Variants in CDC14B observed in about 807,000 individuals in gnomAD.
CDC14B encodes the protein dual specificity protein phosphatase CDC14B.
Under a neutral mutation model 64.2 loss-of-function variants are expected in CDC14B, and 22 were observed. That is an observed-to-expected ratio of 0.34 (90% CI 0.24 to 0.49). CDC14B has a LOEUF of 0.49. Ranked by LOEUF, CDC14B falls within the 20% of genes least tolerant of loss-of-function variation. CDC14B has a pLI of 0.99. For synonymous variants in CDC14B, 191 were observed against 215.8 expected, an observed-to-expected ratio of 0.89 and a Z score of 1.01; for missense variants, 498 against 629.9, an observed-to-expected ratio of 0.79 and a Z score of 2.24.
At chr9:96,567,075 T>TC (rs1844108633) in intron 1 of CDC14B, 1 of 961,708 alleles carries the variant, frequency 1.0e-6, no homozygotes, top group Non-Finnish European at 1.4e-6. Flanking sequence ...CCGCTTTCTT[T>TC]CCCCCCGCCT....
At chr9:96,528,730 A>C (rs1258221432) in intron 9 of CDC14B, among the ~76,000 whole-genome samples, 2 of 152,128 alleles carry the variant, frequency 1.3e-5, no homozygotes, top group East Asian at 3.9e-4. Flanking sequence ...CAAGGCTTCT[A>C]ATTTTCTCCA....
At position 96,509,882 on chromosome 9, in the gene CDC14B, T is replaced by C. The variant is rs1359200668; in HGVS notation, c.1344-93A>G. ...AGTATTTTTGCACTTTAGTGCAAATTATCTTGAGAATTGAGAGGATTTTCC... is the reference window on the plus strand; with the variant it reads ...AGTATTTTTGCACTTTAGTGCAAATCATCTTGAGAATTGAGAGGATTTTCC... On this transcript the variant is annotated intron_variant, in intron 12 of 13. Coordinates refer to ENST00000375241, the MANE Select transcript of CDC14B (RefSeq NM_033331.4). 4.0e-6 allele frequency: 3 copies of C among 751,426 alleles called. No individual in the cohort carries two copies. The East Asian group carries it at 7.8e-5, about 19-fold the overall frequency. 46.5% of individuals were successfully genotyped at this position (751,426 alleles called of 1,614,324 possible).
intron 1 of CDC14B, 41 bp downstream of exon 1, chr9:96,619,178 C>T (rs1204454812): frequency 1.6e-6 from 2 of 1,221,920 alleles, no homozygotes. Flanking sequence ...GCGCCGGGTG[C>T]GGCCGTCCGG....
chr9:96,543,643 C>A (rs1056852513), intron 5 of CDC14B, among the ~76,000 whole-genome samples: 3 of 152,124 alleles, frequency 2.0e-5, no homozygotes, highest in African/African-American at 2.4e-5. Flanking sequence ...AAATAAGGCA[C>A]CCCGACCCCT....
At chr9:96,589,878 G>A (rs942772380) in intron 1 of CDC14B, among the ~76,000 whole-genome samples, 3 of 151,502 alleles carry the variant, frequency 2.0e-5, no homozygotes, top group East Asian at 2.0e-4. Context: ...GGAGAATGGC[G>A]TGAACCCGGG....
chr9:96,577,645 G>C (rs959141389), intron 1 of CDC14B, among the ~76,000 whole-genome samples: 1 of 152,160 alleles, frequency 6.6e-6, no homozygotes, highest in Admixed American at 6.5e-5. Flanking sequence ...ATGGTGCCAA[G>C]ACCCCACCGA....
At chr9:96,509,624 G>T in intron 13 of CDC14B, 49 bp downstream of exon 13, 1 of 1,156,608 alleles carries the variant, frequency 8.6e-7, no homozygotes, top group Non-Finnish European at 1.3e-6. Context: ...ATATTAAACT[G>T]GAAAACAAAC....
At chr9:96,544,482 G>A (rs1232696135) in intron 5 of CDC14B, among the ~76,000 whole-genome samples, 1 of 152,084 alleles carries the variant, frequency 6.6e-6, no homozygotes, top group Non-Finnish European at 1.5e-5. Flanking sequence ...CCTTCATGAG[G>A]ACAGAATGCA....
In CDC14B at chr9:96,566,860, A is replaced by AGCC; in HGVS notation, c.161-1380_161-1378dup. 6 of 1,581,226 alleles carry AGCC rather than the reference A, an allele frequency of 3.8e-6. No individual in the cohort carries two copies. In the South Asian group the frequency reaches 6.9e-5, roughly 18 times the overall value. ...AGGCGGGGCAGAGGCAAGGACTGCC[A>AGCC]GCCGCCGAGAGGGGAGGCGCCGCGA... On this transcript the variant is annotated intron_variant, in intron 1 of 13. Coordinates refer to ENST00000375241, the MANE Select transcript of CDC14B (RefSeq NM_033331.4).
intron 12 of CDC14B, among the ~76,000 whole-genome samples, chr9:96,511,355 G>A (rs776002173): frequency 1.3e-5 from 2 of 152,160 alleles, no homozygotes; most frequent in Non-Finnish European, 1.5e-5. Context: ...GTTGGATCAC[G>A]AGGTCAGGAG....
Position 96,615,628 on chromosome 9 carries a change from A to G in CDC14B, c.160+3591T>C, listed in dbSNP as rs1050373696. The stretch of plus-strand genomic sequence containing the variant: ...TAAGTGCTGGCAAGGATGTGGAATA[A>G]TTGGTGCATTGCTTGTGGGAACGCT... On this transcript the variant is annotated intron_variant, in intron 1 of 13. Transcript: ENST00000375241. 2.6e-5 allele frequency among the ~76,000 whole-genome samples: 4 copies of G among 152,250 alleles called. 1 individual carries two copies. In the East Asian group the frequency reaches 7.7e-4, roughly 29 times the overall value.
chr9:96,528,140 G>C (rs1228642229), intron 9 of CDC14B, among the ~76,000 whole-genome samples: 1 of 152,320 alleles, frequency 6.6e-6, no homozygotes, highest in African/African-American at 2.4e-5. Flanking sequence ...ATAATATTCT[G>C]TTGTATGATA....
intron 12 of CDC14B, among the ~76,000 whole-genome samples, chr9:96,518,192 T>C (rs1836042283): frequency 6.6e-6 from 1 of 152,194 alleles, no homozygotes; most frequent in South Asian, 2.1e-4. Context: ...ATGTCATTTT[T>C]ATTGTTGACC....
downstream of CDC14B, among the ~76,000 whole-genome samples, chr9:96,495,956 A>G (rs1833220072): frequency 6.6e-6 from 1 of 152,212 alleles, no homozygotes; most frequent in African/African-American, 2.4e-5. Flanking sequence ...CCATCGATGC[A>G]GCCTTCAAAA....
chr9:96,605,285 C>T (rs1197742406), intron 1 of CDC14B, among the ~76,000 whole-genome samples: 1 of 152,186 alleles, frequency 6.6e-6, no homozygotes, highest in Non-Finnish European at 1.5e-5. Context: ...AATTGTACCA[C>T]TATTTCTTTC....
intron 7 of CDC14B, 45 bp from the exon 8 acceptor site, chr9:96,534,587 C>T: frequency 8.0e-7 from 1 of 1,244,076 alleles, no homozygotes; most frequent in Non-Finnish European, 1.2e-6. Flanking sequence ...ATGTATTCTC[C>T]CCACAACCTC....
chr9:96,551,967 T>TGA (rs1434374285), intron 4 of CDC14B, 95 bp from the exon 5 acceptor site: 18 of 1,456,570 alleles, frequency 1.2e-5, no homozygotes, highest in Middle Eastern at 1.8e-4. Context: ...TCCAACCAAC[T>TGA]GAGCAGGGTT....
At chr9:96,603,155 GACACACACACAC>G (rs5899295) in intron 1 of CDC14B, among the ~76,000 whole-genome samples, 9 of 138,052 alleles carry the variant, frequency 6.5e-5, no homozygotes, top group South Asian at 2.4e-4. Context: ...GATAGAAACG[GACACACACACAC>G]ACACACACAC....
At chr9:96,577,039 G>A (rs1844856366) in intron 1 of CDC14B, among the ~76,000 whole-genome samples, 1 of 152,098 alleles carries the variant, frequency 6.6e-6, no homozygotes, top group African/African-American at 2.4e-5. Flanking sequence ...GATCACTAGA[G>A]GTCAGGAGTT....
Sources: gnomAD v4.1 joint callset for allele counts (sites outside exome capture counted in the v4.1 genomes callset) on GRCh38, gnomAD v4.1.1 for gene constraint, MANE v1.5 for transcripts, NCBI Gene and HGNC (gene_info 2026-07-23, HGNC 2026-07-21) for gene names.